PRKN: variants seen among roughly 807,000 people sequenced by gnomAD.
PRKN encodes the protein parkin RBR E3 ubiquitin protein ligase, also known as E3 ubiquitin-protein ligase parkin.
In PRKN, 56 loss-of-function variants were observed where a neutral mutation model predicts 59.5. That is an observed-to-expected ratio of 0.94 (90% CI 0.76 to 1.18). The LOEUF (loss-of-function observed/expected upper bound fraction) is 1.18. PRKN is among the 50% of genes most tolerant of loss of function. The pLI, the probability that PRKN is intolerant of heterozygous loss-of-function variation, is 0.00. For missense variants in PRKN, 657 were observed against 596.4 expected (o/e 1.10, Z -1.06); for synonymous variants, 250 against 222.1 (o/e 1.13, Z -1.12).
rs1271935390 is a variant in PRKN, at chr6:161,561,706, ATC to A, written c.933+7647_933+7648del. Reference sequence around the variant, plus strand: ...AGTACTTCCCTTCTTCAGTTCTTGGATCTCTCTCTCAAATTACCGGTAATTCA... The same window carrying A: ...AGTACTTCCCTTCTTCAGTTCTTGGATCTCTCTCAAATTACCGGTAATTCA... On this transcript the variant is annotated intron_variant, in intron 8 of 11. Transcript: ENST00000366898. The surrounding 1 kb of genome is among the most constrained non-coding windows in gnomAD (Gnocchi z 5.0). 6.6e-6 allele frequency among the ~76,000 whole-genome samples: 1 copy of A among 151,520 alleles called. No individual in the cohort carries two copies.
chr6:162,314,972 C>T (rs1179188556), intron 2 of PRKN, among the ~76,000 whole-genome samples: 1 of 152,108 alleles, frequency 6.6e-6, no homozygotes, highest in Non-Finnish European at 1.5e-5. Context: ...GCTGTCTTCA[C>T]AGTAGATCAC....
At chr6:161,511,464 A>G (rs1778389582) in intron 9 of PRKN, among the ~76,000 whole-genome samples, 2 of 152,218 alleles carry the variant, frequency 1.3e-5, no homozygotes, top group Admixed American at 1.3e-4. Flanking sequence ...CTCCTGGGGA[A>G]TTGGCAATAA....
intron 4 of PRKN, among the ~76,000 whole-genome samples, chr6:162,140,688 G>A (rs1457958664): frequency 6.7e-6 from 1 of 149,888 alleles, no homozygotes; most frequent in Non-Finnish European, 1.5e-5. Flanking sequence ...AGTTCAAAAG[G>A]AGCGCCCTCA....
At chr6:161,879,945 A>G (rs549729760) in intron 6 of PRKN, among the ~76,000 whole-genome samples, 12 of 152,182 alleles carry the variant, frequency 7.9e-5, no homozygotes, top group South Asian at 2.1e-4. Flanking sequence ...GCATATGCAC[A>G]TTAGAAGTAG....
At chr6:161,999,108 C>T (rs947282049) in intron 5 of PRKN, among the ~76,000 whole-genome samples, 1 of 152,098 alleles carries the variant, frequency 6.6e-6, no homozygotes, top group African/African-American at 2.4e-5. Flanking sequence ...CAGAATTATA[C>T]ACAGCTTGCC....
intron 4 of PRKN, among the ~76,000 whole-genome samples, chr6:162,174,497 C>T (rs1562559055): frequency 2.0e-5 from 3 of 152,120 alleles, no homozygotes; most frequent in Non-Finnish European, 4.4e-5. Context: ...ATTTCTATTT[C>T]TATATATCTT....
rs576794029 is a variant in PRKN, at chr6:161,544,298, T to C, written c.1083+4556A>G. Among the ~76,000 whole-genome samples the C allele has an allele frequency of 2.0e-5, 3 of 152,204 alleles. No individual in the cohort carries two copies. In the South Asian group the frequency reaches 6.2e-4, roughly 32 times the overall value. On this transcript the variant is annotated intron_variant, in intron 9 of 11. Transcript: ENST00000366898. This position sits in a 1 kb window ranked among gnomAD's most constrained non-coding sequence, Gnocchi z 5.5. ...TCCCTGAACATAGTGTTATTTTGGT[T>C]TTCTGAATTATATACTATGTGTGCT...
intron 7 of PRKN, among the ~76,000 whole-genome samples, chr6:161,734,646 T>G (rs1787890919): frequency 6.6e-6 from 1 of 152,176 alleles, no homozygotes; most frequent in Admixed American, 6.5e-5. Flanking sequence ...TTAGAGGAAA[T>G]TTCTTGGCAT....
chr6:161,463,881 A>C lies in PRKN; in HGVS notation c.1084-77004T>G, dbSNP rs1188488796. Among the ~76,000 whole-genome samples the C allele has an allele frequency of 6.6e-6, 1 of 152,236 alleles. No homozygotes were observed. Among genetic ancestry groups the C allele is most frequent in the East Asian group, 1.9e-4 (1 of 5,196 alleles). On this transcript the variant is annotated intron_variant, in intron 9 of 11. Coordinates refer to ENST00000366898, the MANE Select transcript of PRKN (RefSeq NM_004562.3). This position sits in a 1 kb window ranked among gnomAD's most constrained non-coding sequence, Gnocchi z 4.8. ...CACAATATTATAGTATTATTCACTT[A>C]TATTTAAGATACTGTACTCCATAGA...
Position 161,560,537 on chromosome 6 carries a change from C to T in PRKN, c.933+8818G>A, listed in dbSNP as rs752152407. Among the ~76,000 whole-genome samples the T allele has an allele frequency of 1.2e-4, 18 of 152,190 alleles. No homozygotes were observed. The highest frequency in any genetic ancestry group is 2.6e-4 in the Non-Finnish European group (18 of 68,036). On this transcript the variant is annotated intron_variant, in intron 8 of 11. Coordinates refer to ENST00000366898, the MANE Select transcript of PRKN (RefSeq NM_004562.3). The surrounding 1 kb of genome is among the most constrained non-coding windows in gnomAD (Gnocchi z 4.9). ...TCACCTTTTCTCCGATTCTTGTCAT[C>T]ATTCTGGGGACTTGAACTCCTGTAT...
intron 1 of PRKN, among the ~76,000 whole-genome samples, chr6:162,510,096 A>G (rs1777527853): frequency 6.6e-6 from 1 of 152,178 alleles, no homozygotes; most frequent in Non-Finnish European, 1.5e-5. Flanking sequence ...TCTTGACAGA[A>G]AGCATTTTCT....
At chr6:161,536,557 G>A (rs138348622) in intron 9 of PRKN, among the ~76,000 whole-genome samples, 25 of 152,280 alleles carry the variant, frequency 1.6e-4, no homozygotes, top group African/African-American at 5.5e-4. Flanking sequence ...ACTTACCCCT[G>A]CCAGCTGCCA....
intron 2 of PRKN, among the ~76,000 whole-genome samples, chr6:162,421,705 A>G (rs1468582692): frequency 6.6e-6 from 1 of 152,178 alleles, no homozygotes; most frequent in Non-Finnish European, 1.5e-5. Flanking sequence ...ACAGGAAAAC[A>G]GCAACAGTCT....
rs148281912 is a variant in PRKN at position 161,605,734 on chromosome 6, C to G, written c.872-36318G>C. 1.4e-3 allele frequency among the ~76,000 whole-genome samples: 207 copies of G among 152,096 alleles called. 1 individual carries two copies. The South Asian group carries it at 0.023, about 17-fold the overall frequency. On this transcript the variant is annotated intron_variant, in intron 7 of 11. Coordinates refer to ENST00000366898, the MANE Select transcript of PRKN (RefSeq NM_004562.3). ...CACGTTGGCCAGGCTGGTCTCGAAC[C>G]CCTGGCCTCAAGTAGTCTGCCTGCC...
intron 9 of PRKN, among the ~76,000 whole-genome samples, chr6:161,501,538 C>T (rs1320942605): frequency 1.3e-5 from 2 of 151,530 alleles, no homozygotes; most frequent in Non-Finnish European, 2.9e-5. Context: ...TCCGATAGGT[C>T]TTTTGCAATA....
At chr6:162,609,386 A>G (rs746067951) in intron 1 of PRKN, among the ~76,000 whole-genome samples, 29 of 152,242 alleles carry the variant, frequency 1.9e-4, no homozygotes, top group Non-Finnish European at 4.3e-4. Flanking sequence ...TAAATTAGAA[A>G]TTAAACAGAA....
chr6:162,193,483 G>A (rs778606537), intron 4 of PRKN, among the ~76,000 whole-genome samples: 3 of 152,078 alleles, frequency 2.0e-5, no homozygotes, highest in Admixed American at 6.6e-5. Flanking sequence ...CCCTGAACTC[G>A]TCTATCCCCT....
intron 4 of PRKN, among the ~76,000 whole-genome samples, chr6:162,073,854 C>T (rs1778695921): frequency 6.6e-6 from 1 of 152,186 alleles, no homozygotes; most frequent in East Asian, 1.9e-4. Flanking sequence ...ATACTCAATA[C>T]CATAATTTAC....
chr6:161,630,185 A>T (rs531045894), intron 7 of PRKN, among the ~76,000 whole-genome samples: 108 of 152,336 alleles, frequency 7.1e-4, no homozygotes, highest in African/African-American at 2.5e-3. Flanking sequence ...TCATAATATA[A>T]TATGAAAGCA....
Sources: allele counts gnomAD v4.1 joint callset (sites outside exome capture counted in the v4.1 genomes callset), GRCh38; gene constraint gnomAD v4.1.1; non-coding constraint Gnocchi (gnomAD v3.1); transcripts MANE v1.5; gene names NCBI Gene and HGNC (gene_info 2026-07-23, HGNC 2026-07-21).